Variants in DUXA observed in about 807,000 individuals in gnomAD.
The protein encoded by DUXA is double homeobox A.
Under a neutral mutation model 27.5 loss-of-function variants are expected in DUXA, and 25 were observed. The observed-to-expected ratio is 0.91, with a 90% CI of 0.66 to 1.27. The LOEUF is 1.27. Ranked by LOEUF, DUXA falls within the 50% of genes most tolerant of loss-of-function variation. The pLI is 0.00. For missense variants in DUXA, 247 were observed against 242.9 expected, an observed-to-expected ratio of 1.02 and a Z score of -0.11; for synonymous variants, 90 against 80.5, an observed-to-expected ratio of 1.12 and a Z score of -0.63.
At chr19:57,166,168 A>G (rs2087053551) in intron 1 of DUXA, among the ~76,000 whole-genome samples, 1 of 152,148 alleles carries the variant, frequency 6.6e-6, no homozygotes, top group Non-Finnish European at 1.5e-5. Context: ...GGAGGCCAGA[A>G]CATCTGAAAA....
In DUXA at chr19:57,154,137, AG is replaced by A. The variant is rs2122685601; in HGVS notation, c.*274del. Reference sequence around the variant, plus strand: ...CCCTGTACCCGTCTCTGCCTCCTACAGTCCTTTTCATTTATTTTGTTTTTTT... The same window carrying A: ...CCCTGTACCCGTCTCTGCCTCCTACATCCTTTTCATTTATTTTGTTTTTTT... On this transcript the variant is annotated 3_prime_UTR_variant, in exon 6 of 6. Transcript: ENST00000554048. 1.2e-5 allele frequency: 4 copies of A among 346,144 alleles called. No individual in the cohort carries two copies. The South Asian group carries it at 1.3e-4, about 11-fold the overall frequency. The allele number at this position is 346,144 out of a possible 1,614,324, so 21.4% of individuals were successfully genotyped here. A position where few individuals can be genotyped will look rare whatever the true frequency, so the allele number is the denominator to read the frequency against.
In DUXA at chr19:57,155,201, A is replaced by G; in HGVS notation, c.544+66T>C. On this transcript the variant is annotated intron_variant, in intron 5 of 5. Coordinates refer to ENST00000554048, the MANE Select transcript of DUXA (RefSeq NM_001012729.2). ...CCCAGGAGGAGCTGTCGGCTCCACCATGACGAAGCACTGGACATCCAAGGG... is the reference window on the plus strand; with the variant it reads ...CCCAGGAGGAGCTGTCGGCTCCACCGTGACGAAGCACTGGACATCCAAGGG... 2 of 1,442,260 alleles carry G rather than the reference A, an allele frequency of 1.4e-6. 1 individual carries two copies. Among genetic ancestry groups the G allele is most frequent in the South Asian group, 2.3e-5 (2 of 86,912 alleles). The allele number at this position is 1,442,260 out of a possible 1,614,324, so 89.3% of individuals were successfully genotyped here. A position where few individuals can be genotyped will look rare whatever the true frequency, so the allele number is the denominator to read the frequency against.
rs1336102095 is a variant in DUXA, at chr19:57,158,351, C to T, written c.415G>A (p.Gly139Ser). 20 of 1,612,008 alleles carry T rather than the reference C, an allele frequency of 1.2e-5. No individual in the cohort carries two copies. Among genetic ancestry groups the T allele is most frequent in the Middle Eastern group, 4.3e-4 (2 of 4,612 alleles). ...ACTTGGACTCTTGACTCTGGAACAC[C>T]GATTTCTTTAGCAAGTTCTTCTCTG... ...DSREELAKEIGVPESRVQIWF... is the reference protein window; with the variant it reads ...DSREELAKEISVPESRVQIWF... The change falls in exon 4 of 6, where the codon GGT becomes AGT. Residue 139 changes from glycine to serine, a missense_variant. Transcript: ENST00000554048.
rs1568462810 is a variant in DUXA at position 57,155,249 on chromosome 19, AAAC to A, written c.544+15_544+17del. 12 of 1,610,842 alleles carry A rather than the reference AAAC, an allele frequency of 7.4e-6. No individual in the cohort carries two copies. The highest frequency in any genetic ancestry group is 2.7e-5 in the African/African-American group (2 of 74,818). The stretch of plus-strand genomic sequence containing the variant: ...GGGCTCCGCTTGTGAACCACATTGG[AAAC>A]AACAGGCTAGTTACCTTGCAGTCCC... On this transcript the variant is annotated intron_variant, in intron 5 of 5. Coordinates refer to ENST00000554048, the MANE Select transcript of DUXA (RefSeq NM_001012729.2).
intron 1 of DUXA, among the ~76,000 whole-genome samples, chr19:57,161,064 G>A (rs1326343372): frequency 4.0e-5 from 6 of 151,760 alleles, no homozygotes; most frequent in African/African-American, 1.2e-4. Flanking sequence ...GGTGGTTGAC[G>A]CCTGTAATCC....
intron 1 of DUXA, among the ~76,000 whole-genome samples, chr19:57,162,041 C>A (rs927755856): frequency 1.3e-5 from 2 of 152,058 alleles, no homozygotes; most frequent in Non-Finnish European, 2.9e-5. Flanking sequence ...CAGGTGCACA[C>A]CCCCACACCC....
intron 1 of DUXA, among the ~76,000 whole-genome samples, chr19:57,166,218 C>T (rs144438604): frequency 6.6e-6 from 1 of 152,146 alleles, no homozygotes; most frequent in Non-Finnish European, 1.5e-5. Flanking sequence ...ACAGACCATA[C>T]CAAGCGCCAC....
chr19:57,161,422 G>C (rs1199446309), intron 1 of DUXA, among the ~76,000 whole-genome samples: 2 of 148,424 alleles, frequency 1.3e-5, no homozygotes, highest in East Asian at 2.0e-4. Flanking sequence ...AGGAGATCGA[G>C]ACCATCCTGG....
At chr19:57,163,007 A>T (rs1241434941) in intron 1 of DUXA, among the ~76,000 whole-genome samples, 2 of 151,528 alleles carry the variant, frequency 1.3e-5, no homozygotes, top group Non-Finnish European at 2.9e-5. Flanking sequence ...GACATTCCAT[A>T]CCTTGACCTC....
rs1257064650 is a variant in DUXA, at chr19:57,154,449, G to A, written c.578C>T (p.Thr193Ile). 2 of 1,613,618 alleles carry A rather than the reference G, an allele frequency of 1.2e-6. No individual in the cohort carries two copies. The highest frequency in any genetic ancestry group is 1.7e-5 in the Admixed American group (1 of 60,000). Residue 193 changes from threonine (T) to isoleucine (I), a missense_variant, in exon 6 of 6, where the codon ACT becomes ATT. Physicochemically the swap from Thr to Ile is moderately conservative, Grantham distance 89 (BLOSUM62 -1). Transcript: ENST00000554048. ...AEDTQNGTNF[T>I]SDSHFSGART... ...GGCTCCAGAGAAATGAGAGTCACTA[G>A]TGAAGTTGGTGCCATTTTGTGTATC...
chr19:57,164,060 C>T (rs2122698846), intron 1 of DUXA, among the ~76,000 whole-genome samples: 1 of 152,172 alleles, frequency 6.6e-6, no homozygotes, highest in African/African-American at 2.4e-5. Context: ...ACTCATTCTA[C>T]AAGGCCAGTA....
Position 57,165,320 on chromosome 19 carries a change from A to ATAT in DUXA, c.25+2098_25+2099insATA, listed in dbSNP as rs1380503736. 4.1e-3 allele frequency among the ~76,000 whole-genome samples: 392 copies of ATAT among 96,586 alleles called. 1 individual carries two copies. The highest frequency in any genetic ancestry group is 0.013 in the African/African-American group (367 of 27,716). The allele number at this position is 96,586 out of a possible 152,430, so 63.4% of individuals were successfully genotyped here. A position where few individuals can be genotyped will look rare whatever the true frequency, so the allele number is the denominator to read the frequency against. On this transcript the variant is annotated intron_variant, in intron 1 of 5. Transcript: ENST00000554048. ...CATTTCTGGAGTAGGAAAAAAAAAA[A>ATAT]AAAAATATATATATATATATATATG...
Position 57,158,417 on chromosome 19 carries a change from TGA to T in DUXA, c.347_348del (p.Leu116HisfsTer13), listed in dbSNP as rs751250269. 12 of 1,612,924 alleles carry T rather than the reference TGA, an allele frequency of 7.4e-6. No homozygotes were observed. Among genetic ancestry groups the T allele is most frequent in the Non-Finnish European group, 1.0e-5 (12 of 1,179,198 alleles). On this transcript the variant is annotated frameshift_variant, in exon 4 of 6. Transcript: ENST00000554048. LOFTEE classifies it high-confidence loss of function. ...TTYSASQLHT[L>X]IKAFMKNPYP... Reference sequence around the variant, plus strand: ...TATGGGTTTTTCATAAATGCCTTGATGAGAGTGTGTAACTGAGAGGCGCTGTA... The same window carrying T: ...TATGGGTTTTTCATAAATGCCTTGATGAGTGTGTAACTGAGAGGCGCTGTA...
At chr19:57,165,942 C>A (rs76540597) in intron 1 of DUXA, among the ~76,000 whole-genome samples, 3 of 151,904 alleles carry the variant, frequency 2.0e-5, no homozygotes, top group Non-Finnish European at 4.4e-5. Flanking sequence ...AGTATTTCCA[C>A]GGCAAAGAAG....
chr19:57,165,729 C>T (rs1225460887), intron 1 of DUXA, among the ~76,000 whole-genome samples: 2 of 141,952 alleles, frequency 1.4e-5, no homozygotes, highest in African/African-American at 5.2e-5. Context: ...GGCATGAACC[C>T]GGGAGGCAGA....
At chr19:57,164,308 G>A (rs1393797028) in intron 1 of DUXA, among the ~76,000 whole-genome samples, 8 of 152,218 alleles carry the variant, frequency 5.3e-5, no homozygotes, top group African/African-American at 1.9e-4. Flanking sequence ...GGGCACAGTG[G>A]CTCACGCCTA....
Position 57,156,389 on chromosome 19 carries a change from TC to T in DUXA, c.439-1018del, listed in dbSNP as rs755917437. The stretch of plus-strand genomic sequence containing the variant: ...ACTTGTACGCACACACTCACAAAAA[TC>T]CCTCACCTTCCAGCAGCTACTATAT... On this transcript the variant is annotated intron_variant, in intron 4 of 5. Transcript: ENST00000554048. Among the ~76,000 whole-genome samples the T allele has an allele frequency of 2.6e-5, 4 of 152,086 alleles. No homozygotes were observed. The East Asian group carries it at 7.7e-4, about 29-fold the overall frequency.
At chr19:57,164,314 G>A (rs950387480) in intron 1 of DUXA, among the ~76,000 whole-genome samples, 1 of 152,124 alleles carries the variant, frequency 6.6e-6, no homozygotes, top group Non-Finnish European at 1.5e-5. Flanking sequence ...AGTGGCTCAC[G>A]CCTATAATCC....
At chr19:57,159,568 A>G (rs1394920987) in intron 2 of DUXA, among the ~76,000 whole-genome samples, 1 of 151,984 alleles carries the variant, frequency 6.6e-6, no homozygotes, top group African/African-American at 2.4e-5. Context: ...GTGTGCCATC[A>G]TGCCTGGCTA....
Sources: gnomAD v4.1 joint callset for allele counts (sites outside exome capture counted in the v4.1 genomes callset) on GRCh38, gnomAD v4.1.1 for gene constraint, MANE v1.5 for transcripts, NCBI Gene and HGNC (gene_info 2026-07-23, HGNC 2026-07-21) for gene names.